DIP2C: variants seen among roughly 807,000 people sequenced by gnomAD.
DIP2C encodes the protein DIP2 acetate--CoA ligase C (putative), also known as disco-interacting protein 2 homolog C.
DIP2C carries 33 observed loss-of-function variants against 192.4 expected under a neutral mutation model. The observed-to-expected ratio is 0.17, with a 90% CI of 0.13 to 0.23. DIP2C has a LOEUF of 0.23. Ranked by LOEUF, DIP2C falls within the 10% of genes least tolerant of loss-of-function variation. The pLI is 1.00. For synonymous variants in DIP2C, 979 were observed against 864.1 expected (o/e 1.13, Z -2.33); for missense variants, 1,537 against 2,110.1 (o/e 0.73, Z 5.32).
At chr10:611,922 C>T (rs1406559654) in intron 1 of DIP2C, among the ~76,000 whole-genome samples, 2 of 152,150 alleles carry the variant, frequency 1.3e-5, no homozygotes, top group African/African-American at 4.8e-5. Flanking sequence ...AACTGGTGTC[C>T]GAATCCCTGT....
At chr10:367,770 A>G (rs2132764718) in intron 18 of DIP2C, among the ~76,000 whole-genome samples, 1 of 152,372 alleles carries the variant, frequency 6.6e-6, no homozygotes, top group East Asian at 1.9e-4. Flanking sequence ...GGAGCTCGTT[A>G]CGCGCTGACA....
rs201168845 is a variant in DIP2C at position 477,842 on chromosome 10, G to GA, written c.158-5294dup. ...ACAAGAGAGAAGGAGAAGGGAGAAA[G>GA]AAAAAAGGAGAAGTGAAGGAAGCAG... On this transcript the variant is annotated intron_variant, in intron 2 of 36. Coordinates refer to ENST00000280886, the MANE Select transcript of DIP2C (RefSeq NM_014974.3). Among the ~76,000 whole-genome samples the GA allele has an allele frequency of 6.2e-3, 778 of 125,000 alleles. 9 individuals are homozygous for GA. Among genetic ancestry groups the GA allele is most frequent in the African/African-American group, 0.016 (525 of 32,450 alleles). The allele number at this position is 125,000 out of a possible 152,430, so 82.0% of individuals were successfully genotyped here. A position where few individuals can be genotyped will look rare whatever the true frequency, so the allele number is the denominator to read the frequency against.
chr10:436,168 C>A (rs1351482450), intron 4 of DIP2C, among the ~76,000 whole-genome samples: 1 of 152,250 alleles, frequency 6.6e-6, no homozygotes, highest in Non-Finnish European at 1.5e-5. Context: ...CAGAGATCAT[C>A]TTGCATGTGT....
intron 32 of DIP2C, among the ~76,000 whole-genome samples, chr10:298,008 A>G (rs1449646783): frequency 3.3e-5 from 5 of 152,212 alleles, no homozygotes; most frequent in African/African-American, 4.8e-5. Flanking sequence ...ACTGCCCTAC[A>G]ATATGCCCCA....
At chr10:626,551 C>T (rs1174875799) in intron 1 of DIP2C, among the ~76,000 whole-genome samples, 1 of 152,162 alleles carries the variant, frequency 6.6e-6, no homozygotes, top group Admixed American at 6.5e-5. Context: ...TCTCCTTGTC[C>T]TCCCTCATTT....
At chr10:411,315 G>A (rs1272477274) in intron 8 of DIP2C, among the ~76,000 whole-genome samples, 7 of 152,324 alleles carry the variant, frequency 4.6e-5, no homozygotes, top group South Asian at 4.1e-4. Flanking sequence ...GAGCTGCTGT[G>A]AGGCAGGACG....
At chr10:625,119 C>T (rs1195156286) in intron 1 of DIP2C, among the ~76,000 whole-genome samples, 1 of 152,204 alleles carries the variant, frequency 6.6e-6, no homozygotes, top group Non-Finnish European at 1.5e-5. Context: ...AACCATGCCA[C>T]CCTGAATTAC....
intron 18 of DIP2C, among the ~76,000 whole-genome samples, chr10:367,553 T>C (rs993129686): frequency 2.0e-5 from 3 of 152,038 alleles, no homozygotes; most frequent in Admixed American, 6.5e-5. Flanking sequence ...CTCGGCAGGG[T>C]ACAGCTTCAC....
intron 1 of DIP2C, among the ~76,000 whole-genome samples, chr10:491,107 C>G (rs1588284247): frequency 6.6e-6 from 1 of 152,232 alleles, no homozygotes; most frequent in Non-Finnish European, 1.5e-5. Context: ...CTCAGGCACG[C>G]ACCAGCCAAT....
intron 1 of DIP2C, among the ~76,000 whole-genome samples, chr10:596,496 C>CAAAAAAAAAAAAAAAA (rs56298679): frequency 9.4e-5 from 5 of 52,934 alleles, no homozygotes; most frequent in African/African-American, 2.2e-4. Context: ...AACTCCATCT[C>CAAAAAAAAAAAAAAAA]AAAAAAAAAA....
chr10:541,626 T>C (rs948842050), intron 1 of DIP2C, among the ~76,000 whole-genome samples: 3 of 143,830 alleles, frequency 2.1e-5, no homozygotes, highest in African/African-American at 7.9e-5. Flanking sequence ...CCATCTCTCC[T>C]GGACCCCACA....
intron 3 of DIP2C, among the ~76,000 whole-genome samples, chr10:460,088 C>T (rs915636355): frequency 1.6e-4 from 25 of 151,812 alleles, no homozygotes; most frequent in African/African-American, 5.3e-4. Flanking sequence ...CAAGGGATCG[C>T]GTGCTGCACG....
chr10:497,553 A>G (rs555020272), intron 1 of DIP2C, among the ~76,000 whole-genome samples: 1 of 152,318 alleles, frequency 6.6e-6, no homozygotes, highest in African/African-American at 2.4e-5. Flanking sequence ...AACGAGCTCA[A>G]GACCTTGTCT....
At chr10:380,396 T>C (rs7088111) in intron 17 of DIP2C, among the ~76,000 whole-genome samples, 141,335 of 145,468 alleles carry the variant, frequency 0.97, 68,638 homozygotes, top group South Asian at 0.99. Flanking sequence ...TGATGGTTAA[T>C]GCGCAGAAGA....
At chr10:398,656 T>C (rs894933821) in intron 10 of DIP2C, among the ~76,000 whole-genome samples, 1 of 152,236 alleles carries the variant, frequency 6.6e-6, no homozygotes, top group Non-Finnish European at 1.5e-5. Context: ...TTAATTTCTT[T>C]ACATTGGATT....
At chr10:593,147 T>C (rs1240769566) in intron 1 of DIP2C, among the ~76,000 whole-genome samples, 1 of 151,958 alleles carries the variant, frequency 6.6e-6, no homozygotes, top group Non-Finnish European at 1.5e-5. Context: ...AGGGCACTGG[T>C]CTCCTCTGCC....
At chr10:395,300 T>A (rs1048893847) in intron 10 of DIP2C, among the ~76,000 whole-genome samples, 2 of 152,162 alleles carry the variant, frequency 1.3e-5, no homozygotes, top group Non-Finnish European at 2.9e-5. Context: ...ATTCCAAATG[T>A]CTTACCATAA....
intron 1 of DIP2C, among the ~76,000 whole-genome samples, chr10:563,901 T>C (rs1849336393): frequency 6.6e-6 from 1 of 151,852 alleles, no homozygotes; most frequent in African/African-American, 2.4e-5. Flanking sequence ...TCTTAATGTG[T>C]CAAAAATCCC....
rs117640911 is a variant in DIP2C at position 436,716 on chromosome 10, C to T, written c.394+4155G>A. The stretch of plus-strand genomic sequence containing the variant: ...TGGTAGGGTGGCCATGCTCCACCCA[C>T]ACCTGAGATCTCTCTGAGCTCTGCT... On this transcript the variant is annotated intron_variant, in intron 4 of 36. Coordinates refer to ENST00000280886, the MANE Select transcript of DIP2C (RefSeq NM_014974.3). Among the ~76,000 whole-genome samples, 357 of 140,666 alleles carry T rather than the reference C, an allele frequency of 2.5e-3. 3 individuals carry two copies. The highest frequency in any genetic ancestry group is 4.7e-3 in the Non-Finnish European group (307 of 65,936). The allele number at this position is 140,666 out of a possible 152,430, so 92.3% of individuals were successfully genotyped here. A position where few individuals can be genotyped will look rare whatever the true frequency, so the allele number is the denominator to read the frequency against.
Sources: gnomAD v4.1 joint callset for allele counts (sites outside exome capture counted in the v4.1 genomes callset) on GRCh38, gnomAD v4.1.1 for gene constraint, MANE v1.5 for transcripts, NCBI Gene and HGNC (gene_info 2026-07-23, HGNC 2026-07-21) for gene names.